The following QTMAN variants were observed in gnomAD, a reference collection of about 807,000 sequenced individuals.
The protein encoded by QTMAN is queuosine-tRNA mannosyltransferase.
the QTMAN span, chr2:143,970,690 G>A: frequency 4.6e-5 from 74 of 1,608,600 alleles, no homozygotes; most frequent in Middle Eastern, 1.6e-4. Context: ...GTACAGACAC[G>A]TGGAAATTGA....
the QTMAN span, among the ~76,000 whole-genome samples, chr2:144,118,606 A>G: frequency 6.6e-6 from 1 of 152,046 alleles, no homozygotes; most frequent in Non-Finnish European, 1.5e-5. Context: ...ATTGTGGGCC[A>G]GGCGCAGTGG....
chr2:144,152,431 C>T, the QTMAN span, among the ~76,000 whole-genome samples: 3 of 152,154 alleles, frequency 2.0e-5, no homozygotes, highest in African/African-American at 7.2e-5. Flanking sequence ...TTCCTGCAAA[C>T]GCTGAGTCTT....
At chr2:144,001,723 C>T in the QTMAN span, among the ~76,000 whole-genome samples, 1 of 151,742 alleles carries the variant, frequency 6.6e-6, no homozygotes, top group African/African-American at 2.4e-5. Context: ...TATCCTAGGG[C>T]TTCCTAGCTA....
At chr2:144,173,149 T>C in the QTMAN span, among the ~76,000 whole-genome samples, 2 of 152,144 alleles carry the variant, frequency 1.3e-5, no homozygotes, top group African/African-American at 2.4e-5. Flanking sequence ...CTGGTGAATG[T>C]TTTCTTCTTA....
At chr2:144,135,181 T>C in the QTMAN span, among the ~76,000 whole-genome samples, 3 of 152,156 alleles carry the variant, frequency 2.0e-5, no homozygotes, top group Non-Finnish European at 4.4e-5. Context: ...ATCCAATTTG[T>C]TGGAAGTGAA....
the QTMAN span, among the ~76,000 whole-genome samples, chr2:144,176,925 G>A: frequency 1.3e-5 from 2 of 152,204 alleles, no homozygotes. Flanking sequence ...CAGGAAGCAT[G>A]GCTGGGGAGG....
chr2:144,279,355 T>A, the QTMAN span, among the ~76,000 whole-genome samples: 1 of 143,104 alleles, frequency 7.0e-6, no homozygotes. Flanking sequence ...CACCCTCTAC[T>A]GCATCTCCTC....
chr2:144,017,022 T>C, the QTMAN span, among the ~76,000 whole-genome samples: 1 of 152,092 alleles, frequency 6.6e-6, no homozygotes, highest in African/African-American at 2.4e-5. Context: ...TTTTTTTTTT[T>C]TGAGACAGAG....
At chr2:144,244,894 C>T in the QTMAN span, among the ~76,000 whole-genome samples, 58 of 152,132 alleles carry the variant, frequency 3.8e-4, no homozygotes, top group Non-Finnish European at 7.2e-4. Flanking sequence ...TTTCCTATAA[C>T]GTGGAAAGAA....
chr2:144,120,131 G>A, the QTMAN span, among the ~76,000 whole-genome samples: 1 of 152,092 alleles, frequency 6.6e-6, no homozygotes, highest in South Asian at 2.1e-4. Flanking sequence ...ATATCTATTG[G>A]GAATGCAATT....
the QTMAN span, among the ~76,000 whole-genome samples, chr2:144,208,051 C>T: frequency 6.6e-6 from 1 of 152,214 alleles, no homozygotes; most frequent in South Asian, 2.1e-4. Flanking sequence ...CTAGTTCCTA[C>T]TTCCTAACAA....
chr2:144,014,436 G>A, the QTMAN span, among the ~76,000 whole-genome samples: 83 of 152,220 alleles, frequency 5.5e-4, no homozygotes, highest in African/African-American at 2.0e-3. Flanking sequence ...TTCTGTGAGA[G>A]GATACTGAGC....
the QTMAN span, among the ~76,000 whole-genome samples, chr2:144,196,931 T>C: frequency 2.0e-5 from 3 of 152,196 alleles, no homozygotes; most frequent in Non-Finnish European, 4.4e-5. Flanking sequence ...GGATCACTTA[T>C]TGATTGTGTG....
the QTMAN span, among the ~76,000 whole-genome samples, chr2:144,317,931 TTAAAA>T: frequency 0.027 from 4,044 of 152,212 alleles, 166 homozygotes; most frequent in African/African-American, 0.092. Context: ...ACAGGTAAAC[TTAAAA>T]TAACTTCAAA....
chr2:144,034,621 A>T, the QTMAN span, among the ~76,000 whole-genome samples: 1 of 54,648 alleles, frequency 1.8e-5, no homozygotes, highest in African/African-American at 4.4e-5. Flanking sequence ...TTTGAAAATG[A>T]AAAAAAAAAA....
At chr2:144,160,931 T>C in the QTMAN span, among the ~76,000 whole-genome samples, 2 of 152,174 alleles carry the variant, frequency 1.3e-5, no homozygotes, top group African/African-American at 2.4e-5. Flanking sequence ...TTCACTTCCT[T>C]TGACAACATG....
chr2:144,192,348 C>A, the QTMAN span, among the ~76,000 whole-genome samples: 15 of 151,978 alleles, frequency 9.9e-5, no homozygotes, highest in African/African-American at 3.6e-4. Context: ...CTCCAGTGAT[C>A]CACCTGCCTC....
At chr2:144,320,454 T>C in the QTMAN span, among the ~76,000 whole-genome samples, 2 of 152,188 alleles carry the variant, frequency 1.3e-5, no homozygotes, top group African/African-American at 4.8e-5. Flanking sequence ...CCAGACCTGT[T>C]ACTACAATGC....
At chr2:144,044,910 A>T in the QTMAN span, among the ~76,000 whole-genome samples, 1 of 152,234 alleles carries the variant, frequency 6.6e-6, no homozygotes, top group Non-Finnish European at 1.5e-5. Context: ...AAGACACTAG[A>T]GCAAGTACAA....
Sources: allele counts gnomAD v4.1 joint callset (sites outside exome capture counted in the v4.1 genomes callset), GRCh38; gene constraint gnomAD v4.1.1; transcripts MANE v1.5; gene names NCBI Gene and HGNC (gene_info 2026-07-23, HGNC 2026-07-21).